USP48: variants seen among roughly 807,000 people sequenced by gnomAD.
The protein encoded by USP48 is ubiquitin carboxyl-terminal hydrolase 48.
In USP48, 43 loss-of-function variants were observed where a neutral mutation model predicts 150.7. The ratio of observed to expected loss-of-function variants is 0.29; its 90% CI spans 0.22 to 0.37. USP48 has a LOEUF of 0.37. USP48 is among the 10% of genes least tolerant of loss of function. USP48 has a pLI of 1.00. For missense variants in USP48, 813 were observed against 1,249.6 expected (o/e 0.65, Z 5.27); for synonymous variants, 396 against 425.9 (o/e 0.93, Z 0.86).
At chr1:21,740,736 AATAC>A (rs1396198042) in intron 8 of USP48, among the ~76,000 whole-genome samples, 3 of 152,240 alleles carry the variant, frequency 2.0e-5, no homozygotes, top group African/African-American at 7.2e-5. Flanking sequence ...GGAAATAGCA[AATAC>A]ATAAATAAAA....
chr1:21,724,522 CAT>C lies in USP48; in HGVS notation c.1451-429_1451-428del, dbSNP rs368636169. The C allele has an allele frequency of 1.6e-3, 373 of 226,376 alleles. 2 individuals carry two copies. Among genetic ancestry groups the C allele is most frequent in the African/African-American group, 6.9e-3 (306 of 44,438 alleles). The allele number at this position is 226,376 out of a possible 1,614,324, so 14.0% of individuals were successfully genotyped here. A position where few individuals can be genotyped will look rare whatever the true frequency, so the allele number is the denominator to read the frequency against. On this transcript the variant is annotated intron_variant, in intron 11 of 26. Transcript: ENST00000308271. Reference sequence around the variant, plus strand: ...AAATTATTTTTGTCAGTACTTTTCACATATATGTGATATACATCTGAAAATTA... The same window carrying C: ...AAATTATTTTTGTCAGTACTTTTCACATATGTGATATACATCTGAAAATTA...
chr1:21,719,470 C>T (rs537194413), intron 14 of USP48, among the ~76,000 whole-genome samples: 121 of 152,036 alleles, frequency 8.0e-4, no homozygotes, highest in African/African-American at 2.8e-3. Flanking sequence ...CAGAAATGGG[C>T]GAGGCTCAGT....
intron 9 of USP48, among the ~76,000 whole-genome samples, chr1:21,733,372 G>A (rs1438944083): frequency 6.6e-6 from 1 of 151,878 alleles, no homozygotes; most frequent in Admixed American, 6.6e-5. Context: ...AGCCGAGATC[G>A]CGCCATTGCA....
At chr1:21,728,815 C>T in intron 10 of USP48, 96 bp from the exon 11 acceptor site, 1 of 1,426,848 alleles carries the variant, frequency 7.0e-7, no homozygotes, top group South Asian at 1.4e-5. Context: ...CTGATTAAAA[C>T]ATTGGCAGAA....
Position 21,706,062 on chromosome 1 carries a change from TAAA to T in USP48, c.2273+61_2273+63del. On this transcript the variant is annotated intron_variant, in intron 18 of 26. Transcript: ENST00000308271. ...ACAACAAACAGAATCCACGATATCTTAAAAAATACCAGAGTCAACCAAATCAGT... is the reference window on the plus strand; with the variant it reads ...ACAACAAACAGAATCCACGATATCTTAAATACCAGAGTCAACCAAATCAGT... 5 of 1,545,198 alleles carry T rather than the reference TAAA, an allele frequency of 3.2e-6. No individual in the cohort carries two copies. The South Asian group carries it at 5.7e-5, about 17-fold the overall frequency.
rs1310485604 is a variant in USP48, at chr1:21,678,500, T to G, written c.*917A>C. 6.6e-6 allele frequency: 1 copy of G among 152,126 alleles called. No homozygotes were observed. The highest frequency in any genetic ancestry group is 1.5e-5 in the Non-Finnish European group (1 of 68,000). 9.4% of individuals were successfully genotyped at this position (152,126 alleles called of 1,614,324 possible). ...GGAATAATGCTTTCAAAAAGAGAAC[T>G]GAGGTCCAAGAAACAGTGACATGGA... is the stretch of plus-strand genomic sequence containing the variant. On this transcript the variant is annotated 3_prime_UTR_variant, in exon 27 of 27. Transcript: ENST00000308271.
At chr1:21,753,465 G>C (rs1479517253) in intron 3 of USP48, among the ~76,000 whole-genome samples, 1 of 151,358 alleles carries the variant, frequency 6.6e-6, no homozygotes, top group Admixed American at 6.6e-5. Context: ...TGAGACACGA[G>C]CATCTATTGA....
intron 1 of USP48, among the ~76,000 whole-genome samples, chr1:21,767,974 G>A (rs1231323268): frequency 1.3e-5 from 2 of 152,114 alleles, no homozygotes; most frequent in Admixed American, 6.5e-5. Context: ...CTGGGAGGCC[G>A]AGGCGGGTGG....
chr1:21,710,404 T>C (rs2097687100), intron 15 of USP48, among the ~76,000 whole-genome samples: 1 of 152,148 alleles, frequency 6.6e-6, no homozygotes, highest in Non-Finnish European at 1.5e-5. Flanking sequence ...CAAGAAGTAC[T>C]TTCAAAATAA....
chr1:21,733,689 T>C (rs1369669939), intron 9 of USP48, among the ~76,000 whole-genome samples: 1 of 152,192 alleles, frequency 6.6e-6, no homozygotes, highest in East Asian at 1.9e-4. Context: ...TAAGACAGCC[T>C]TAACAATGCT....
chr1:21,752,590 T>C lies in USP48; in HGVS notation c.602A>G (p.Lys201Arg). 6.2e-7 allele frequency: 1 copy of C among 1,613,604 alleles called. No individual in the cohort carries two copies. Among genetic ancestry groups the C allele is most frequent in the Non-Finnish European group, 8.5e-7 (1 of 1,179,908 alleles). The change falls in exon 5 of 27, where the codon AAG becomes AGG. Residue 201 changes from lysine to arginine, a missense_variant. Physicochemically the swap from Lys to Arg is conservative, Grantham distance 26. Coordinates refer to ENST00000308271, the MANE Select transcript of USP48 (RefSeq NM_032236.8). Reference protein sequence around the residue: ...SLLEDTLSKQKNPDVRNIVQQ... With the variant: ...SLLEDTLSKQRNPDVRNIVQQ... Reference sequence around the variant, plus strand: ...AACAATATTGCGCACATCTGGATTCTTTTGTTTAGACAAAGTATCTTCCAA... The same window carrying C: ...AACAATATTGCGCACATCTGGATTCCTTTGTTTAGACAAAGTATCTTCCAA...
chr1:21,690,406 G>A (rs2097594618), intron 23 of USP48, among the ~76,000 whole-genome samples: 1 of 152,172 alleles, frequency 6.6e-6, no homozygotes, highest in African/African-American at 2.4e-5. Flanking sequence ...AAAAAGTGGG[G>A]CTGGGCTGAT....
chr1:21,717,002 C>T (rs1353682801), intron 14 of USP48, among the ~76,000 whole-genome samples: 1 of 151,722 alleles, frequency 6.6e-6, no homozygotes, highest in Non-Finnish European at 1.5e-5. Context: ...CACGACAGAG[C>T]GAGACTCCGT....
At chr1:21,728,792 A>G in intron 10 of USP48, 73 bp from the exon 11 acceptor site, 4 of 1,534,722 alleles carry the variant, frequency 2.6e-6, no homozygotes, top group Non-Finnish European at 3.5e-6. Context: ...TAATCTCTAA[A>G]TCATATCAAA....
intron 1 of USP48, among the ~76,000 whole-genome samples, chr1:21,779,966 G>A (rs1320743207): frequency 6.6e-6 from 1 of 152,290 alleles, no homozygotes; most frequent in East Asian, 1.9e-4. Context: ...TACATCACTG[G>A]TGGGAATGTA....
intron 25 of USP48, among the ~76,000 whole-genome samples, chr1:21,682,961 T>TA (rs893788394): frequency 2.0e-5 from 3 of 151,402 alleles, no homozygotes; most frequent in Admixed American, 6.6e-5. Context: ...GAACCAGCTT[T>TA]AAAAAAAATA....
At chr1:21,730,859 C>G (rs2097755069) in intron 9 of USP48, among the ~76,000 whole-genome samples, 1 of 150,798 alleles carries the variant, frequency 6.6e-6, no homozygotes. Context: ...CTCCTGGGTT[C>G]AAGCGATTCT....
Position 21,679,403 on chromosome 1 carries a change from C to T in USP48, c.*14G>A, listed in dbSNP as rs1468613117. 2 of 1,613,926 alleles carry T rather than the reference C, an allele frequency of 1.2e-6. No homozygotes were observed. The highest frequency in any genetic ancestry group is 2.7e-5 in the African/African-American group (2 of 74,892). On this transcript the variant is annotated 3_prime_UTR_variant, in exon 27 of 27. Coordinates refer to ENST00000308271, the MANE Select transcript of USP48 (RefSeq NM_032236.8). ...CCTCTGGTCATTTCTTAGCAGTCAG[C>T]AAGTATTCAAAGATTAATGTCCAAG...
intron 15 of USP48, among the ~76,000 whole-genome samples, chr1:21,712,126 A>T (rs1557473114): frequency 6.6e-6 from 1 of 152,258 alleles, no homozygotes; most frequent in Non-Finnish European, 1.5e-5. Flanking sequence ...TGGGAGGCCA[A>T]GACAGGCAGA....
Sources: gnomAD v4.1 joint callset for allele counts (sites outside exome capture counted in the v4.1 genomes callset) on GRCh38, gnomAD v4.1.1 for gene constraint, MANE v1.5 for transcripts, NCBI Gene and HGNC (gene_info 2026-07-23, HGNC 2026-07-21) for gene names.